The following SYN3 variants were observed in gnomAD, a reference collection of about 807,000 sequenced individuals.
The protein encoded by SYN3 is synapsin III.
In SYN3, 35 loss-of-function variants were observed where a neutral mutation model predicts 65.8. That is an observed-to-expected ratio of 0.53 (90% CI 0.41 to 0.70). SYN3 has a LOEUF of 0.70. Among genes scored for constraint, SYN3 ranks in the 30% least tolerant of loss-of-function variants. The probability of loss-of-function intolerance (pLI) is 0.00; values close to 1 mark genes in which losing one functional copy is unlikely to be tolerated. For synonymous variants in SYN3, 270 were observed against 292.9 expected (o/e 0.92, Z 0.80); for missense variants, 680 against 749.0 (o/e 0.91, Z 1.08).
At chr22:32,875,158 T>C (rs756819013) in intron 4 of SYN3, among the ~76,000 whole-genome samples, 3 of 151,988 alleles carry the variant, frequency 2.0e-5, no homozygotes, top group Non-Finnish European at 4.4e-5. Context: ...AAGAATCTGG[T>C]GAGGAGCAGA....
At chr22:32,532,650 G>A (rs771968565) in intron 10 of SYN3, among the ~76,000 whole-genome samples, 4 of 135,058 alleles carry the variant, frequency 3.0e-5, no homozygotes, top group Non-Finnish European at 6.0e-5. Context: ...CACCCTCCTG[G>A]CATGACTGGG....
rs994483808 is a variant in SYN3, at chr22:32,983,587, T to C, written c.312-2885A>G. On this transcript the variant is annotated intron_variant, in intron 2 of 13. Coordinates refer to ENST00000358763, the MANE Select transcript of SYN3 (RefSeq NM_003490.4). ...GGCGGTAGTTTAGTAGGAAAGGAAC[T>C]ATTAGTATGACTCGAAAGCAAGATT... is the stretch of plus-strand genomic sequence containing the variant. Among the ~76,000 whole-genome samples the C allele has an allele frequency of 2.6e-5, 4 of 151,970 alleles. No homozygotes were observed. The East Asian group carries it at 7.7e-4, about 29-fold the overall frequency.
intron 6 of SYN3, among the ~76,000 whole-genome samples, chr22:32,704,288 G>C (rs978051685): frequency 2.0e-5 from 3 of 151,954 alleles, no homozygotes; most frequent in Non-Finnish European, 2.9e-5. Flanking sequence ...ACATCCTTTA[G>C]CTCCCACTTA....
At chr22:32,883,949 C>T (rs2049216405) in intron 4 of SYN3, among the ~76,000 whole-genome samples, 1 of 152,156 alleles carries the variant, frequency 6.6e-6, no homozygotes. Flanking sequence ...CCTGCTGAGT[C>T]CATAGTGGTG....
intron 6 of SYN3, among the ~76,000 whole-genome samples, chr22:32,626,668 A>C (rs1316316875): frequency 6.6e-6 from 1 of 152,122 alleles, no homozygotes; most frequent in Admixed American, 6.5e-5. Flanking sequence ...AGACTCATGA[A>C]CTTGCCACAA....
At chr22:32,614,904 C>G (rs878892121) in intron 6 of SYN3, among the ~76,000 whole-genome samples, 1 of 151,742 alleles carries the variant, frequency 6.6e-6, no homozygotes, top group Non-Finnish European at 1.5e-5. Context: ...ACATACTGTG[C>G]TGGCCCCATG....
At chr22:32,537,201 C>T (rs1016380368) in intron 9 of SYN3, among the ~76,000 whole-genome samples, 1 of 151,946 alleles carries the variant, frequency 6.6e-6, no homozygotes, top group Non-Finnish European at 1.5e-5. Flanking sequence ...CTCTTTTTGC[C>T]CAGGCTGGAG....
intron 11 of SYN3, 105 bp downstream of exon 11, chr22:32,528,769 G>A: frequency 4.7e-6 from 7 of 1,486,950 alleles, no homozygotes; most frequent in Non-Finnish European, 6.4e-6. Flanking sequence ...TCCCCAAGGT[G>A]GTTTCTTCCT....
intron 4 of SYN3, among the ~76,000 whole-genome samples, chr22:32,877,054 T>C (rs2049003512): frequency 6.6e-6 from 1 of 152,240 alleles, no homozygotes; most frequent in African/African-American, 2.4e-5. Context: ...CCTTCCTCTG[T>C]CCATTGCTAT....
Position 32,509,762 on chromosome 22 carries a change from G to A in SYN3, c.*3930C>T, listed in dbSNP as rs1476233126. Among the ~76,000 whole-genome samples the A allele has an allele frequency of 2.0e-5, 3 of 152,036 alleles. No individual in the cohort carries two copies. Among genetic ancestry groups the A allele is most frequent in the African/African-American group, 7.2e-5 (3 of 41,382 alleles). On this transcript the variant is annotated 3_prime_UTR_variant, in exon 14 of 14. Coordinates refer to ENST00000358763, the MANE Select transcript of SYN3 (RefSeq NM_003490.4). ...TTTTTATATTTTTAGTAGAGATGGGGTTTCACCGTGTTAGCCAGGATGGTC... is the reference window on the plus strand; with the variant it reads ...TTTTTATATTTTTAGTAGAGATGGGATTTCACCGTGTTAGCCAGGATGGTC...
intron 1 of SYN3, among the ~76,000 whole-genome samples, chr22:33,045,994 A>T (rs2054056822): frequency 6.6e-6 from 1 of 152,144 alleles, no homozygotes; most frequent in African/African-American, 2.4e-5. Flanking sequence ...TCAACAATAA[A>T]AAAAGCAATT....
At position 32,857,511 on chromosome 22, in the gene SYN3, C is replaced by T; in HGVS notation, c.711+7404G>A. The T allele has an allele frequency of 4.2e-6, 3 of 716,962 alleles. No individual in the cohort carries two copies. In the South Asian group the frequency reaches 4.6e-5, roughly 11 times the overall value. The allele number at this position is 716,962 out of a possible 1,614,324, so 44.4% of individuals were successfully genotyped here. A position where few individuals can be genotyped will look rare whatever the true frequency, so the allele number is the denominator to read the frequency against. ...TTGAATTCATCCCACTTACCCAGTG[C>T]TAGGAGCTTGAGGCTCCTACACTTA... is the stretch of plus-strand genomic sequence containing the variant. On this transcript the variant is annotated intron_variant, in intron 6 of 13. Transcript: ENST00000358763.
At chr22:32,739,786 G>A (rs1201518075) in intron 6 of SYN3, among the ~76,000 whole-genome samples, 1 of 152,180 alleles carries the variant, frequency 6.6e-6, no homozygotes, top group Non-Finnish European at 1.5e-5. Context: ...AATATTTTGA[G>A]TATTACCCCT....
intron 3 of SYN3, among the ~76,000 whole-genome samples, chr22:32,974,779 T>C (rs2052132523): frequency 6.6e-6 from 1 of 152,204 alleles, no homozygotes; most frequent in East Asian, 1.9e-4. Flanking sequence ...CTGTAGTTTA[T>C]TGAGCACCTA....
At chr22:32,867,109 G>A (rs183734898) in intron 5 of SYN3, among the ~76,000 whole-genome samples, 37 of 152,270 alleles carry the variant, frequency 2.4e-4, no homozygotes, top group African/African-American at 8.9e-4. Context: ...TCTGGCTTCA[G>A]AGCTCACACT....
intron 6 of SYN3, among the ~76,000 whole-genome samples, chr22:32,765,030 C>A (rs977657885): frequency 1.3e-5 from 2 of 151,940 alleles, no homozygotes; most frequent in Admixed American, 1.3e-4. Context: ...CCCACCCCAC[C>A]CCACTGTCCA....
chr22:32,925,043 G>T (rs959693180), intron 4 of SYN3, among the ~76,000 whole-genome samples: 7 of 152,014 alleles, frequency 4.6e-5, no homozygotes, highest in Admixed American at 3.9e-4. Flanking sequence ...AGTGAGCAGT[G>T]ATCGCATCAC....
chr22:32,933,174 C>T (rs1236528126), intron 3 of SYN3, among the ~76,000 whole-genome samples: 1 of 152,116 alleles, frequency 6.6e-6, no homozygotes, highest in Non-Finnish European at 1.5e-5. Flanking sequence ...CCAAACTGTG[C>T]CTTATACACA....
At chr22:32,519,486 T>C (rs377514617) in intron 12 of SYN3, 3 of 152,132 alleles carry the variant, frequency 2.0e-5, no homozygotes, top group Admixed American at 1.3e-4. Context: ...TCTCACCACA[T>C]AGAGGTGGAG....
Sources: allele counts gnomAD v4.1 joint callset (sites outside exome capture counted in the v4.1 genomes callset), GRCh38; gene constraint gnomAD v4.1.1; transcripts MANE v1.5; gene names NCBI Gene and HGNC (gene_info 2026-07-23, HGNC 2026-07-21).